The following CCDC150 variants were observed in gnomAD, a reference collection of about 807,000 sequenced individuals.
CCDC150 encodes coiled-coil domain containing 150, also known as coiled-coil domain-containing protein 150.
Under a neutral mutation model 156.5 loss-of-function variants are expected in CCDC150, and 151 were observed. That is an observed-to-expected ratio of 0.97 (90% CI 0.85 to 1.10). The LOEUF (loss-of-function observed/expected upper bound fraction) is 1.10, where lower values mean the gene tolerates loss of function less well. CCDC150 is among the 50% of genes least tolerant of loss of function. The pLI is 0.00. For missense variants in CCDC150, 1,312 were observed against 1,268.1 expected, an observed-to-expected ratio of 1.03 and a Z score of -0.53; for synonymous variants, 452 against 429.4, an observed-to-expected ratio of 1.05 and a Z score of -0.65.
At chr2:196,694,856 C>T (rs1013644805) in intron 13 of CCDC150, among the ~76,000 whole-genome samples, 190 bp from the exon 14 acceptor site, 5 of 152,026 alleles carry the variant, frequency 3.3e-5, no homozygotes, top group Non-Finnish European at 7.4e-5. Context: ...AGTGAGACTA[C>T]GTCTCAAAAA....
At chr2:196,640,764 A>T (rs1006857085) in intron 1 of CCDC150, among the ~76,000 whole-genome samples, 2 of 152,204 alleles carry the variant, frequency 1.3e-5, no homozygotes, top group African/African-American at 4.8e-5. Flanking sequence ...TACAGTAGGA[A>T]TACCGCTGCT....
intron 6 of CCDC150, 61 bp from the exon 7 acceptor site, chr2:196,666,658 T>C: frequency 7.0e-7 from 1 of 1,432,866 alleles, no homozygotes; most frequent in African/African-American, 1.4e-5. Context: ...ACATGTGCTA[T>C]AAGGCAGCTT....
Position 196,703,981 on chromosome 2 carries a change from A to G in CCDC150, c.1695+2801A>G, listed in dbSNP as rs1696417642. On this transcript the variant is annotated intron_variant, in intron 15 of 27. Coordinates refer to ENST00000389175, the MANE Select transcript of CCDC150 (RefSeq NM_001080539.2). ...CTTTTATGTCAGGTCTTGGGCTGCC[A>G]CATTCCAAAAGCACTGACTTCATCA... is the stretch of plus-strand genomic sequence containing the variant. Among the ~76,000 whole-genome samples, 9 of 152,346 alleles carry G rather than the reference A, an allele frequency of 5.9e-5. No homozygotes were observed. The South Asian group carries it at 1.9e-3, about 32-fold the overall frequency.
chr2:196,643,069 C>T (rs1471566041), intron 1 of CCDC150, among the ~76,000 whole-genome samples: 2 of 152,196 alleles, frequency 1.3e-5, no homozygotes, highest in Non-Finnish European at 2.9e-5. Context: ...AGTAAATCCC[C>T]AAAGGCTAGA....
intron 9 of CCDC150, among the ~76,000 whole-genome samples, chr2:196,674,003 C>T (rs1447400833): frequency 6.6e-6 from 1 of 152,054 alleles, no homozygotes; most frequent in Non-Finnish European, 1.5e-5. Flanking sequence ...AGTAAAATGC[C>T]ATATGCTTCA....
chr2:196,720,782 T>G, intron 20 of CCDC150, 114 bp downstream of exon 20: 1 of 956,268 alleles, frequency 1.0e-6, no homozygotes, highest in Non-Finnish European at 1.6e-6. Flanking sequence ...TTCAATCAAG[T>G]CTGAGTTTTG....
intron 15 of CCDC150, among the ~76,000 whole-genome samples, chr2:196,710,021 G>A (rs929574666): frequency 2.6e-5 from 4 of 152,250 alleles, no homozygotes; most frequent in African/African-American, 9.6e-5. Flanking sequence ...ACACTGTGCT[G>A]CGAGAACCAC....
At chr2:196,664,406 T>C (rs1339797514) in intron 5 of CCDC150, among the ~76,000 whole-genome samples, 2 of 152,230 alleles carry the variant, frequency 1.3e-5, no homozygotes, top group African/African-American at 2.4e-5. Context: ...AGAGAAACGC[T>C]TCACTTGCAT....
In CCDC150 at chr2:196,656,972, C is replaced by G. The variant is rs368906039; in HGVS notation, c.412C>G (p.Arg138Gly). The G allele has an allele frequency of 3.1e-6, 5 of 1,613,126 alleles. No individual in the cohort carries two copies. The African/African-American group carries it at 4.0e-5, about 13-fold the overall frequency. ...NPQKTAFLKD[R>G]LNAIQEEHSK... ...CGGTCTGGTAGCTTTTCTGAAAGATCGACTGAATGCAATACAGGAAGAGCA... is the reference window on the plus strand; with the variant it reads ...CGGTCTGGTAGCTTTTCTGAAAGATGGACTGAATGCAATACAGGAAGAGCA... The change falls in exon 4 of 28, where the codon CGA becomes GGA. Residue 138 changes from arginine (R) to glycine (G), a missense_variant. Coordinates refer to ENST00000389175, the MANE Select transcript of CCDC150 (RefSeq NM_001080539.2).
intron 13 of CCDC150, among the ~76,000 whole-genome samples, chr2:196,677,860 G>A (rs1694604633): frequency 6.6e-6 from 1 of 151,854 alleles, no homozygotes; most frequent in Non-Finnish European, 1.5e-5. Context: ...CATGGTGGTG[G>A]GCGCCTGTAA....
chr2:196,654,890 C>T (rs930276830), intron 2 of CCDC150, among the ~76,000 whole-genome samples: 2 of 152,180 alleles, frequency 1.3e-5, no homozygotes, highest in East Asian at 1.9e-4. Context: ...CCAATTCGTA[C>T]AGCCAGAAAT....
In CCDC150 at chr2:196,721,353, C is replaced by CATATATATATATATATATATAT. The variant is rs1199770615; in HGVS notation, c.2260-153_2260-152insATATATATATATATATATATAT. Among the ~76,000 whole-genome samples the CATATATATATATATATATATAT allele has an allele frequency of 3.0e-5, 4 of 133,166 alleles. 1 individual carries two copies. The highest frequency in any genetic ancestry group is 4.9e-4 in the South Asian group (2 of 4,094). 87.4% of individuals were successfully genotyped at this position (133,166 alleles called of 152,430 possible). On this transcript the variant is annotated intron_variant, in intron 20 of 27. Transcript: ENST00000389175. ...GAGTTCTCATTCATATATGTGTGTG[C>CATATATATATATATATATATAT]ATATATATATATATATTTTCCAGGC...
At chr2:196,696,618 G>A (rs1476409715) in intron 14 of CCDC150, among the ~76,000 whole-genome samples, 2 of 152,148 alleles carry the variant, frequency 1.3e-5, no homozygotes, top group Non-Finnish European at 2.9e-5. Context: ...CATAGATAAC[G>A]CAATTCTAGC....
At chr2:196,712,400 C>G in intron 16 of CCDC150, 148 bp downstream of exon 16, 1 of 572,392 alleles carries the variant, frequency 1.7e-6, no homozygotes, top group South Asian at 2.8e-5. Flanking sequence ...TTTCAAGCAC[C>G]TAGTACATAC....
chr2:196,700,760 C>T (rs1388843020), intron 14 of CCDC150, among the ~76,000 whole-genome samples: 1 of 152,172 alleles, frequency 6.6e-6, no homozygotes, highest in Non-Finnish European at 1.5e-5. Context: ...CCGTAAAGAA[C>T]TGTGTAATGC....
chr2:196,728,363 G>C (rs1698331657), intron 22 of CCDC150, among the ~76,000 whole-genome samples: 3 of 152,174 alleles, frequency 2.0e-5, no homozygotes, highest in Non-Finnish European at 2.9e-5. Flanking sequence ...GAAGGAACTA[G>C]TATAGAGAGA....
At chr2:196,709,732 T>C (rs749413324) in intron 15 of CCDC150, among the ~76,000 whole-genome samples, 1 of 152,212 alleles carries the variant, frequency 6.6e-6, no homozygotes, top group Admixed American at 6.5e-5. Flanking sequence ...TATTCCTTTT[T>C]GTTTGTTAGT....
chr2:196,689,232 T>A (rs1695295599), intron 13 of CCDC150, among the ~76,000 whole-genome samples: 1 of 152,154 alleles, frequency 6.6e-6, no homozygotes, highest in South Asian at 2.1e-4. Context: ...ATGTGGGCTC[T>A]TTTTTGGTTC....
intron 5 of CCDC150, among the ~76,000 whole-genome samples, chr2:196,663,107 C>G (rs1693645979): frequency 6.7e-6 from 1 of 149,894 alleles, no homozygotes. Flanking sequence ...GGCATGGTGG[C>G]ACACTCCTTT....
Sources: allele counts gnomAD v4.1 joint callset (sites outside exome capture counted in the v4.1 genomes callset), GRCh38; gene constraint gnomAD v4.1.1; transcripts MANE v1.5; gene names NCBI Gene and HGNC (gene_info 2026-07-23, HGNC 2026-07-21).